Variants in SKI observed in about 807,000 individuals in gnomAD.
SKI encodes the protein SKI proto-oncogene.
In SKI, 23 loss-of-function variants were observed where a neutral mutation model predicts 59.3. The ratio of observed to expected loss-of-function variants is 0.39; its 90% CI spans 0.28 to 0.55. The LOEUF is 0.55. Among genes scored for constraint, SKI ranks in the 20% least tolerant of loss-of-function variants. The pLI is 0.67. For missense variants in SKI, 1,017 were observed against 1,038.9 expected (o/e 0.98, Z 0.29); for synonymous variants, 673 against 488.6 (o/e 1.38, Z -4.98).
chr1:2,301,877 G>A (rs1640434006), intron 1 of SKI, among the ~76,000 whole-genome samples: 1 of 152,270 alleles, frequency 6.6e-6, no homozygotes, highest in African/African-American at 2.4e-5. Context: ...TTCTGCATTG[G>A]CCTGTGGTGT....
chr1:2,305,777 T>G (rs1234896696), intron 5 of SKI, among the ~76,000 whole-genome samples: 2 of 152,176 alleles, frequency 1.3e-5, no homozygotes, highest in Admixed American at 6.5e-5. Flanking sequence ...CTCAAGTGAC[T>G]GACTCAGGCC....
At chr1:2,300,192 C>T (rs1311243861) in intron 1 of SKI, among the ~76,000 whole-genome samples, 1 of 152,214 alleles carries the variant, frequency 6.6e-6, no homozygotes, top group Non-Finnish European at 1.5e-5. Context: ...GGGGAAGGAC[C>T]CCAGGAGGGG....
chr1:2,277,586 T>G (rs1639770839), intron 1 of SKI, among the ~76,000 whole-genome samples: 1 of 152,242 alleles, frequency 6.6e-6, no homozygotes. Flanking sequence ...AACCTCTTTT[T>G]GTTCCCAGTT....
At chr1:2,272,391 A>G (rs1639644174) in intron 1 of SKI, among the ~76,000 whole-genome samples, 1 of 152,238 alleles carries the variant, frequency 6.6e-6, no homozygotes, top group Admixed American at 6.5e-5. Flanking sequence ...CGCAGTGGAA[A>G]GAGGGGCAGA....
At chr1:2,231,367 T>G (rs1307690788) in intron 1 of SKI, among the ~76,000 whole-genome samples, 1 of 152,164 alleles carries the variant, frequency 6.6e-6, no homozygotes, top group Middle Eastern at 3.2e-3. Flanking sequence ...CGTTTGTTTT[T>G]GTCCGACTGT....
intron 1 of SKI, among the ~76,000 whole-genome samples, chr1:2,243,631 G>T (rs1397238960): frequency 6.6e-6 from 1 of 152,150 alleles, no homozygotes; most frequent in African/African-American, 2.4e-5. Context: ...AGGGCATGTC[G>T]GTCACGCCAG....
intron 1 of SKI, among the ~76,000 whole-genome samples, chr1:2,261,818 G>T (rs1639392817): frequency 1.3e-5 from 2 of 151,878 alleles, no homozygotes; most frequent in South Asian, 4.2e-4. Flanking sequence ...CTGATCTCCT[G>T]ATCTGGAAGG....
At chr1:2,255,646 T>C (rs260508) in intron 1 of SKI, among the ~76,000 whole-genome samples, 1 of 150,476 alleles carries the variant, frequency 6.6e-6, no homozygotes, top group African/African-American at 2.5e-5. Flanking sequence ...TGTCTGGAGC[T>C]CTCTCTGTCC....
At position 2,309,416 on chromosome 1, in the gene SKI, T is replaced by C. The variant is rs1640687388; in HGVS notation, c.*2651T>C. The C allele has an allele frequency of 6.6e-6, 1 of 152,202 alleles. No homozygotes were observed. Among genetic ancestry groups the C allele is most frequent in the African/African-American group, 2.4e-5 (1 of 41,434 alleles). The allele number at this position is 152,202 out of a possible 1,614,324, so 9.4% of individuals were successfully genotyped here. A position where few individuals can be genotyped will look rare whatever the true frequency, so the allele number is the denominator to read the frequency against. Reference sequence around the variant, plus strand: ...TAACTCATACACGTAATGTCTGCTTTTCGTACAGAACTAGCCAATGTAAAA... The same window carrying C: ...TAACTCATACACGTAATGTCTGCTTCTCGTACAGAACTAGCCAATGTAAAA... On this transcript the variant is annotated 3_prime_UTR_variant, in exon 7 of 7. Coordinates refer to ENST00000378536, the MANE Select transcript of SKI (RefSeq NM_003036.4).
chr1:2,242,896 C>A (rs1242838282), intron 1 of SKI, among the ~76,000 whole-genome samples: 2 of 152,234 alleles, frequency 1.3e-5, no homozygotes. Context: ...ATTTCTGTGG[C>A]TGTGTTCTCT....
intron 1 of SKI, among the ~76,000 whole-genome samples, chr1:2,238,421 G>A (rs1003873735): frequency 6.6e-6 from 1 of 152,250 alleles, no homozygotes; most frequent in Non-Finnish European, 1.5e-5. Flanking sequence ...GGACAGGCCT[G>A]CCATGGCACC....
intron 1 of SKI, among the ~76,000 whole-genome samples, chr1:2,236,883 G>T (rs1381667004): frequency 6.6e-6 from 1 of 152,222 alleles, no homozygotes; most frequent in Non-Finnish European, 1.5e-5. Context: ...GGCTTCTGCT[G>T]GAACGTCGGC....
intron 1 of SKI, among the ~76,000 whole-genome samples, chr1:2,260,245 G>T (rs1336158803): frequency 6.6e-6 from 1 of 152,298 alleles, no homozygotes; most frequent in East Asian, 1.9e-4. Context: ...TTTAAGTTGC[G>T]CTTCCCCAAT....
chr1:2,301,683 C>T (rs1640429044), intron 1 of SKI, among the ~76,000 whole-genome samples: 1 of 151,482 alleles, frequency 6.6e-6, no homozygotes, highest in Non-Finnish European at 1.5e-5. Context: ...GCAGCGTCTT[C>T]TCCTAGAGTC....
In SKI at chr1:2,229,729, G is replaced by T. The variant is rs1435907309; in HGVS notation, c.963G>T (p.Val321=). The stretch of plus-strand genomic sequence containing the variant: ...ATGGCAACAAGTACAAGCGGCGGGT[G>T]CCCCGGGTGAGTGGCCCCAGGCCTG... ...FDYGNKYKRR[V]PRVSSEPPAS... The change falls in exon 1 of 7, where the codon GTG becomes GTT. Residue 321 remains valine (V), a synonymous_variant. Coordinates refer to ENST00000378536, the MANE Select transcript of SKI (RefSeq NM_003036.4). This position sits in a 1 kb window ranked among gnomAD's most constrained non-coding sequence, Gnocchi z 6.3. 7.1e-6 allele frequency: 11 copies of T among 1,560,204 alleles called. No individual in the cohort carries two copies. The highest frequency in any genetic ancestry group is 9.5e-6 in the Non-Finnish European group (11 of 1,152,758).
intron 1 of SKI, among the ~76,000 whole-genome samples, chr1:2,230,716 C>T (rs1242484772): frequency 2.0e-5 from 3 of 152,162 alleles, no homozygotes; most frequent in African/African-American, 4.8e-5. Context: ...GTATTTGTAA[C>T]TTTTCTTTTA....
chr1:2,284,470 A>C (rs2643913), intron 1 of SKI, among the ~76,000 whole-genome samples: 54,047 of 152,086 alleles, frequency 0.36, 9,863 homozygotes, highest in South Asian at 0.42. Context: ...CTCCGTGTGA[A>C]GTAGAGATTG....
Position 2,287,496 on chromosome 1 carries a change from C to T in SKI, c.970-15482C>T, listed in dbSNP as rs367774019. ...GGACTACAGGTGCCCGCCACCACGC[C>T]CAGCTAATTTTTTGTATTTTTAGTA... On this transcript the variant is annotated intron_variant, in intron 1 of 6. Coordinates refer to ENST00000378536, the MANE Select transcript of SKI (RefSeq NM_003036.4). Among the ~76,000 whole-genome samples, 160 of 152,084 alleles carry T rather than the reference C, an allele frequency of 1.1e-3. 3 individuals are homozygous for T. The East Asian group carries it at 0.022, about 21-fold the overall frequency.
At chr1:2,294,011 G>C (rs929343501) in intron 1 of SKI, among the ~76,000 whole-genome samples, 1 of 152,198 alleles carries the variant, frequency 6.6e-6, no homozygotes, top group African/African-American at 2.4e-5. Flanking sequence ...GGCTCCCCAT[G>C]TTTTCTGAGG....
Sources: gnomAD v4.1 joint callset for allele counts (sites outside exome capture counted in the v4.1 genomes callset) on GRCh38, gnomAD v4.1.1 for gene constraint, Gnocchi (gnomAD v3.1) non-coding constraint, MANE v1.5 for transcripts, NCBI Gene and HGNC (gene_info 2026-07-23, HGNC 2026-07-21) for gene names.